Variants in RGS6 observed in about 807,000 individuals in gnomAD.
RGS6 encodes the protein regulator of G protein signaling 6, also known as regulator of G-protein signaling 6.
A neutral mutation model predicts 78.5 loss-of-function variants in RGS6; 30 were observed. The ratio of observed to expected loss-of-function variants is 0.38; its 90% confidence interval spans 0.29 to 0.52. The LOEUF (loss-of-function observed/expected upper bound fraction) is 0.52, where lower values mean the gene tolerates loss of function less well. Among genes scored for constraint, RGS6 ranks in the 20% least tolerant of loss-of-function variants. RGS6 has a pLI of 0.85. For missense variants in RGS6, 495 were observed against 609.7 expected (o/e 0.81, Z 1.98); for synonymous variants, 206 against 206.0 (o/e 1.00, Z 0.00).
intron 13 of RGS6, among the ~76,000 whole-genome samples, chr14:72,497,714 T>G (rs1314493596): frequency 1.3e-5 from 2 of 152,172 alleles, no homozygotes; most frequent in African/African-American, 4.8e-5. Context: ...TGTATTTCTA[T>G]GAACATTTAA....
chr14:72,595,510 GC>G, the RGS6 span, among the ~76,000 whole-genome samples: 1 of 151,800 alleles, frequency 6.6e-6, no homozygotes, highest in East Asian at 1.9e-4. Flanking sequence ...GGAATACAAT[GC>G]CAAACCTTTT....
chr14:72,231,255 C>T (rs2049505236), intron 2 of RGS6, among the ~76,000 whole-genome samples: 2 of 152,130 alleles, frequency 1.3e-5, no homozygotes, highest in African/African-American at 4.8e-5. Context: ...ATGTTGGGCA[C>T]TGAACTAAGT....
At chr14:72,135,622 T>C (rs535936996) in intron 2 of RGS6, among the ~76,000 whole-genome samples, 2 of 152,170 alleles carry the variant, frequency 1.3e-5, no homozygotes, top group Non-Finnish European at 2.9e-5. Context: ...ATATTCTTTT[T>C]TTTTTCCTGC....
intron 2 of RGS6, among the ~76,000 whole-genome samples, chr14:72,349,215 T>G (rs999237446): frequency 6.6e-6 from 1 of 152,226 alleles, no homozygotes; most frequent in African/African-American, 2.4e-5. Context: ...TGCTTGCTCA[T>G]GAGTCTATAG....
At chr14:72,113,888 G>C (rs916907254) in intron 2 of RGS6, among the ~76,000 whole-genome samples, 1 of 152,168 alleles carries the variant, frequency 6.6e-6, no homozygotes, top group African/African-American at 2.4e-5. Flanking sequence ...ACGCAGAGAG[G>C]GGTGAAGAAC....
intron 17 of RGS6, among the ~76,000 whole-genome samples, chr14:72,546,485 G>A (rs529700879): frequency 1.1e-3 from 164 of 152,242 alleles, no homozygotes; most frequent in African/African-American, 3.0e-3. Context: ...TGACGTTTCC[G>A]TTGGAAGGAG....
chr14:72,565,440 CTG>C lies in RGS6; in HGVS notation c.*2974_*2975del, dbSNP rs2097705581. On this transcript the variant is annotated 3_prime_UTR_variant, in exon 18 of 18. Transcript: ENST00000553525. ...GCCTGAACTAAGCAGCAGGAACTCT[CTG>C]GGCTGGGGAGGAGCCTCCTGCCCTT... is the stretch of plus-strand genomic sequence containing the variant. 2 of 152,286 alleles carry C rather than the reference CTG, an allele frequency of 1.3e-5. No individual in the cohort carries two copies. 9.4% of individuals were successfully genotyped at this position (152,286 alleles called of 1,614,324 possible).
At chr14:71,878,185 G>A in the RGS6 span, among the ~76,000 whole-genome samples, 62,434 of 151,952 alleles carry the variant, frequency 0.41, 13,121 homozygotes, top group South Asian at 0.51. Flanking sequence ...CCATGCTGGG[G>A]GAATGACTAC....
chr14:72,236,127 AG>A (rs1267483436), intron 2 of RGS6, among the ~76,000 whole-genome samples: 1 of 152,204 alleles, frequency 6.6e-6, no homozygotes, highest in African/African-American at 2.4e-5. Flanking sequence ...AAAGGGAAGG[AG>A]GGTGGTCAGG....
At chr14:72,063,370 G>A (rs1463764881) in intron 2 of RGS6, among the ~76,000 whole-genome samples, 5 of 152,164 alleles carry the variant, frequency 3.3e-5, no homozygotes, top group Non-Finnish European at 5.9e-5. Context: ...TGAGGGCCTG[G>A]GCTGAGACTG....
intron 17 of RGS6, chr14:72,552,566 A>T (rs2097522952): frequency 6.6e-6 from 1 of 152,288 alleles, no homozygotes; most frequent in African/African-American, 2.4e-5. Flanking sequence ...CCTCCATGTG[A>T]CAGAAACACT....
At chr14:72,029,084 G>A (rs563207490) in intron 2 of RGS6, among the ~76,000 whole-genome samples, 5 of 152,132 alleles carry the variant, frequency 3.3e-5, no homozygotes, top group South Asian at 2.1e-4. Context: ...TATTTTGAAC[G>A]TGGACATTGC....
chr14:72,464,929 T>C (rs1485283858), intron 6 of RGS6, among the ~76,000 whole-genome samples: 1 of 152,222 alleles, frequency 6.6e-6, no homozygotes, highest in Non-Finnish European at 1.5e-5. Context: ...GACTTCAGCC[T>C]AGAGCAGGGG....
At chr14:72,401,706 G>T (rs1038866151) in intron 3 of RGS6, among the ~76,000 whole-genome samples, 1 of 150,384 alleles carries the variant, frequency 6.6e-6, no homozygotes, top group Non-Finnish European at 1.5e-5. Flanking sequence ...TTAAAAAGAT[G>T]CTTAAAATAA....
the RGS6 span, among the ~76,000 whole-genome samples, chr14:72,590,609 C>T: frequency 6.6e-6 from 1 of 152,188 alleles, no homozygotes; most frequent in South Asian, 2.1e-4. Flanking sequence ...GAAGGGGTTG[C>T]AGGGGCCAAA....
chr14:72,383,232 ATGTG>A (rs1266347828), intron 3 of RGS6, among the ~76,000 whole-genome samples: 2 of 138,976 alleles, frequency 1.4e-5, no homozygotes, highest in East Asian at 4.1e-4. Context: ...ACACACTAGT[ATGTG>A]TGTGGATGGG....
At chr14:71,900,838 T>C in the RGS6 span, among the ~76,000 whole-genome samples, 8 of 152,158 alleles carry the variant, frequency 5.3e-5, no homozygotes, top group African/African-American at 1.2e-4. Context: ...CTGCTTCTGG[T>C]GAGGGCCTCA....
At chr14:72,206,359 T>A (rs563750302) in intron 2 of RGS6, among the ~76,000 whole-genome samples, 1 of 152,302 alleles carries the variant, frequency 6.6e-6, no homozygotes, top group South Asian at 2.1e-4. Context: ...TAGTATTTTG[T>A]TACCTGGAAG....
At chr14:71,893,342 T>C in the RGS6 span, among the ~76,000 whole-genome samples, 22 of 152,330 alleles carry the variant, frequency 1.4e-4, no homozygotes, top group African/African-American at 4.8e-4. Context: ...AAACAGGATA[T>C]AAGGATTCTG....
Sources: gnomAD v4.1 joint callset for allele counts (sites outside exome capture counted in the v4.1 genomes callset) on GRCh38, gnomAD v4.1.1 for gene constraint, MANE v1.5 for transcripts, NCBI Gene and HGNC (gene_info 2026-07-23, HGNC 2026-07-21) for gene names.